ERBB4: variants seen among roughly 807,000 people sequenced by gnomAD.
The protein encoded by ERBB4 is receptor tyrosine-protein kinase erbB-4.
Under a neutral mutation model 158.0 loss-of-function variants are expected in ERBB4, and 42 were observed. The ratio of observed to expected loss-of-function variants is 0.27; its 90% CI spans 0.21 to 0.34. The LOEUF (loss-of-function observed/expected upper bound fraction) is 0.34. Ranked by LOEUF, ERBB4 falls within the 10% of genes least tolerant of loss-of-function variation. The pLI, the probability that ERBB4 is intolerant of heterozygous loss-of-function variation, is 1.00. For missense variants in ERBB4, 1,333 were observed against 1,624.1 expected, an observed-to-expected ratio of 0.82 and a Z score of 3.08; for synonymous variants, 583 against 558.7, an observed-to-expected ratio of 1.04 and a Z score of -0.61.
chr2:211,740,622 CTTTT>C (rs1169540948), intron 5 of ERBB4, among the ~76,000 whole-genome samples: 183 of 90,166 alleles, frequency 2.0e-3, no homozygotes, highest in African/African-American at 7.2e-3. Context: ...TTTTCTTTGT[CTTTT>C]TTTTTTTTTT....
intron 19 of ERBB4, among the ~76,000 whole-genome samples, chr2:211,586,202 G>C (rs188277223): frequency 6.6e-6 from 1 of 152,026 alleles, no homozygotes; most frequent in Non-Finnish European, 1.5e-5. Flanking sequence ...TGTAAACATA[G>C]TTATGCACAT....
At chr2:211,698,585 C>T (rs1019603441) in intron 12 of ERBB4, among the ~76,000 whole-genome samples, 3 of 151,376 alleles carry the variant, frequency 2.0e-5, no homozygotes, top group Admixed American at 1.3e-4. Flanking sequence ...GAGAAAGGTA[C>T]TATTAAAATT....
At chr2:212,510,205 GTATATATATATA>G (rs10556403) in intron 1 of ERBB4, among the ~76,000 whole-genome samples, 3 of 130,472 alleles carry the variant, frequency 2.3e-5, no homozygotes, top group African/African-American at 9.1e-5. Flanking sequence ...TAACCACACA[GTATATATATATA>G]TATATATATA....
intron 1 of ERBB4, among the ~76,000 whole-genome samples, chr2:212,203,049 A>T (rs1204678989): frequency 6.6e-6 from 1 of 152,026 alleles, no homozygotes. Context: ...GGCACAGAAG[A>T]TACAAAAGTG....
chr2:211,731,790 G>A (rs191099472), intron 5 of ERBB4, among the ~76,000 whole-genome samples: 38 of 152,256 alleles, frequency 2.5e-4, no homozygotes, highest in Non-Finnish European at 3.7e-4. Context: ...CATCCAAGAA[G>A]AGGCGTTACT....
intron 1 of ERBB4, among the ~76,000 whole-genome samples, chr2:212,358,100 A>G (rs976927586): frequency 4.6e-5 from 7 of 151,876 alleles, no homozygotes; most frequent in African/African-American, 1.7e-4. Context: ...TATTCAAACT[A>G]TTATTTATAA....
chr2:211,496,526 T>C (rs1416745078), intron 20 of ERBB4, among the ~76,000 whole-genome samples: 2 of 151,472 alleles, frequency 1.3e-5, no homozygotes, highest in Admixed American at 6.6e-5. Flanking sequence ...TACCTTCTTC[T>C]CAAATTTCTC....
chr2:211,587,596 A>AC (rs2068324789), intron 19 of ERBB4, among the ~76,000 whole-genome samples: 1 of 152,120 alleles, frequency 6.6e-6, no homozygotes, highest in South Asian at 2.1e-4. Context: ...ATCATTTTGG[A>AC]ATTCTGGTTT....
At chr2:211,509,114 A>G (rs1022627723) in intron 20 of ERBB4, among the ~76,000 whole-genome samples, 1 of 151,660 alleles carries the variant, frequency 6.6e-6, no homozygotes, top group African/African-American at 2.4e-5. Context: ...GTTCTCACTC[A>G]TAAGTGGGAG....
intron 20 of ERBB4, among the ~76,000 whole-genome samples, chr2:211,526,150 G>A (rs2066342568): frequency 6.6e-6 from 1 of 152,022 alleles, no homozygotes; most frequent in Non-Finnish European, 1.5e-5. Context: ...TGAGACTCAG[G>A]GCTATGCTGG....
At chr2:211,717,709 T>TC (rs1035994723) in intron 7 of ERBB4, among the ~76,000 whole-genome samples, 3 of 151,864 alleles carry the variant, frequency 2.0e-5, no homozygotes, top group African/African-American at 7.3e-5. Flanking sequence ...GTGCCTGTAA[T>TC]CCCAGCGACT....
chr2:211,857,584 A>C (rs2106058159), intron 3 of ERBB4, among the ~76,000 whole-genome samples: 1 of 152,348 alleles, frequency 6.6e-6, no homozygotes, highest in South Asian at 2.1e-4. Flanking sequence ...TAAAAGGAAT[A>C]ACAGAAAATC....
chr2:211,716,057 C>A (rs2106097652), intron 7 of ERBB4, among the ~76,000 whole-genome samples: 1 of 152,266 alleles, frequency 6.6e-6, no homozygotes, highest in East Asian at 1.9e-4. Flanking sequence ...GAACTGTAGA[C>A]CTGCATTTAG....
intron 3 of ERBB4, among the ~76,000 whole-genome samples, chr2:211,841,614 ATTATT>A (rs879446090): frequency 9.9e-5 from 15 of 151,920 alleles, no homozygotes; most frequent in South Asian, 2.1e-4. Context: ...CATTTCATAT[ATTATT>A]TTATTATTTA....
intron 2 of ERBB4, among the ~76,000 whole-genome samples, chr2:211,956,089 G>A (rs2081021649): frequency 6.6e-6 from 1 of 150,850 alleles, no homozygotes; most frequent in African/African-American, 2.4e-5. Flanking sequence ...ATTTATACAG[G>A]TAGGCTTATA....
intron 19 of ERBB4, among the ~76,000 whole-genome samples, chr2:211,563,503 A>C (rs2067463303): frequency 6.6e-6 from 1 of 152,218 alleles, no homozygotes; most frequent in Non-Finnish European, 1.5e-5. Flanking sequence ...ATGATGTTCA[A>C]ACTAACATTT....
chr2:211,636,902 T>A (rs2070383404), intron 16 of ERBB4, among the ~76,000 whole-genome samples: 1 of 152,002 alleles, frequency 6.6e-6, no homozygotes, highest in Non-Finnish European at 1.5e-5. Context: ...CCCATGAGTA[T>A]GTGTAGGTGT....
At chr2:211,996,073 A>C (rs1425189862) in intron 2 of ERBB4, among the ~76,000 whole-genome samples, 1 of 152,156 alleles carries the variant, frequency 6.6e-6, no homozygotes, top group Admixed American at 6.5e-5. Context: ...GGATATGTTC[A>C]TTCTACAGAA....
At chr2:211,996,313 C>T (rs2082198932) in intron 2 of ERBB4, among the ~76,000 whole-genome samples, 1 of 150,220 alleles carries the variant, frequency 6.7e-6, no homozygotes, top group South Asian at 2.1e-4. Flanking sequence ...TAAACATTAT[C>T]CTTGTTTTAT....
Sources: allele counts gnomAD v4.1 joint callset (sites outside exome capture counted in the v4.1 genomes callset), GRCh38; gene constraint gnomAD v4.1.1; transcripts MANE v1.5; gene names NCBI Gene and HGNC (gene_info 2026-07-23, HGNC 2026-07-21).